BANP: variants seen among roughly 807,000 people sequenced by gnomAD.
BANP encodes BTG3 associated nuclear protein.
Under a neutral mutation model 68.1 loss-of-function variants are expected in BANP, and 11 were observed. The ratio of observed to expected loss-of-function variants is 0.16; its 90% confidence interval spans 0.10 to 0.27. The LOEUF (loss-of-function observed/expected upper bound fraction) is 0.27, where lower values mean the gene tolerates loss of function less well. BANP is among the 10% of genes least tolerant of loss of function. The pLI is 1.00. For synonymous variants in BANP, 329 were observed against 303.2 expected, an observed-to-expected ratio of 1.09 and a Z score of -0.88; for missense variants, 504 against 722.7, an observed-to-expected ratio of 0.70 and a Z score of 3.47.
At position 88,036,061 on chromosome 16, in the gene BANP, A is replaced by T. The variant is rs2152755068; in HGVS notation, c.1272+667A>T. Among the ~76,000 whole-genome samples, 1 of 152,350 alleles carries T rather than the reference A, an allele frequency of 6.6e-6. No homozygotes were observed. The highest frequency in any genetic ancestry group is 2.4e-5 in the African/African-American group (1 of 41,578). ...GCCTGTTGCGATGCTCCATGTTTGCATGCCAGAGCAGGACTGTCTCCCGGG... is the reference window on the plus strand; with the variant it reads ...GCCTGTTGCGATGCTCCATGTTTGCTTGCCAGAGCAGGACTGTCTCCCGGG... On this transcript the variant is annotated intron_variant, in intron 10 of 13. Transcript: ENST00000682872. The surrounding 1 kb of genome is among the most constrained non-coding windows in gnomAD (Gnocchi z 4.2).
chr16:87,959,072 A>C (rs2058633267), intron 1 of BANP, among the ~76,000 whole-genome samples: 1 of 151,936 alleles, frequency 6.6e-6, no homozygotes, highest in Non-Finnish European at 1.5e-5. Context: ...ATCTTTGTGG[A>C]GTTCACTGAT....
intron 7 of BANP, among the ~76,000 whole-genome samples, chr16:88,020,087 C>T (rs545162749): frequency 3.9e-5 from 6 of 152,332 alleles, no homozygotes; most frequent in African/African-American, 1.4e-4. Context: ...CGTGGGGCCT[C>T]CTCACAGCTT....
intron 11 of BANP, among the ~76,000 whole-genome samples, chr16:88,062,601 G>T (rs1356115189): frequency 1.3e-5 from 2 of 152,198 alleles, no homozygotes; most frequent in African/African-American, 4.8e-5. Context: ...AGATGACGAG[G>T]TGCTGCCCTT....
At chr16:88,009,557 A>G (rs2072382065) in intron 6 of BANP, among the ~76,000 whole-genome samples, 1 of 152,214 alleles carries the variant, frequency 6.6e-6, no homozygotes, top group Non-Finnish European at 1.5e-5. Context: ...TCCGTTTGTC[A>G]TTACACACGC....
In BANP at chr16:88,037,721, TG is replaced by T. The variant is rs1057458035; in HGVS notation, c.1273-248del. 1.3e-5 allele frequency: 7 copies of T among 521,250 alleles called. No individual in the cohort carries two copies. The African/African-American group carries it at 1.4e-4, about 10-fold the overall frequency. The allele number at this position is 521,250 out of a possible 1,614,324, so 32.3% of individuals were successfully genotyped here. ...ATGAAGTAAAAATGACATTTTCATTTGGGGTCAGGGTAGGGGAATGAGTACA... is the reference window on the plus strand; with the variant it reads ...ATGAAGTAAAAATGACATTTTCATTTGGGTCAGGGTAGGGGAATGAGTACA... On this transcript the variant is annotated intron_variant, in intron 10 of 13. Transcript: ENST00000682872.
At chr16:88,027,354 CG>C (rs1276695104) in intron 7 of BANP, 128 bp from the exon 8 acceptor site, 54 of 1,007,922 alleles carry the variant, frequency 5.4e-5, no homozygotes, top group African/African-American at 1.6e-4. Context: ...TGCAGGAAGA[CG>C]GGGCCGGCCT....
chr16:88,052,584 C>A (rs2083498631), intron 11 of BANP, among the ~76,000 whole-genome samples: 1 of 151,954 alleles, frequency 6.6e-6, no homozygotes, highest in Non-Finnish European at 1.5e-5. Context: ...CCACTGCCAA[C>A]ACAACCACCT....
intron 1 of BANP, among the ~76,000 whole-genome samples, chr16:87,965,139 T>G (rs531174003): frequency 1.3e-5 from 2 of 151,980 alleles, no homozygotes; most frequent in Non-Finnish European, 2.9e-5. Flanking sequence ...AGGAAGTGGA[T>G]GTGGGACCAG....
rs2085354297 is a variant in BANP at position 88,057,433 on chromosome 16, A to G, written c.1312-7834A>G. On this transcript the variant is annotated intron_variant, in intron 11 of 13. Coordinates refer to ENST00000682872, the MANE Select transcript of BANP (RefSeq NM_001386991.1). The surrounding 1 kb of genome is among the most constrained non-coding windows in gnomAD (Gnocchi z 4.6). ...AGAGGAAGGATGGTGGCTGAAGGTG[A>G]GCCTTCTCCAGGGGGATGCCCTGGA... 6.6e-6 allele frequency among the ~76,000 whole-genome samples: 1 copy of G among 151,994 alleles called. No individual in the cohort carries two copies. The highest frequency in any genetic ancestry group is 1.5e-5 in the Non-Finnish European group (1 of 68,000).
chr16:87,958,691 A>C (rs969084215), intron 1 of BANP, among the ~76,000 whole-genome samples: 1 of 152,218 alleles, frequency 6.6e-6, no homozygotes, highest in African/African-American at 2.4e-5. Flanking sequence ...CGGCAGAGTG[A>C]GACCCTGTCT....
chr16:88,003,951 C>A lies in BANP; in HGVS notation c.363-344C>A. The A allele has an allele frequency of 3.1e-6, 1 of 319,660 alleles. No homozygotes were observed. Among genetic ancestry groups the A allele is most frequent in the South Asian group, 2.8e-5 (1 of 36,076 alleles). 19.8% of individuals were successfully genotyped at this position (319,660 alleles called of 1,614,324 possible). A position where few individuals can be genotyped will look rare whatever the true frequency, so the allele number is the denominator to read the frequency against. On this transcript the variant is annotated intron_variant, in intron 4 of 13. Coordinates refer to ENST00000682872, the MANE Select transcript of BANP (RefSeq NM_001386991.1). The surrounding 1 kb of genome is among the most constrained non-coding windows in gnomAD (Gnocchi z 6.1). ...TGTGCCACCCTAGAAGCTTTATTAA[C>A]TGGGTGCGATAACAGCTGGTGCGGT... is the stretch of plus-strand genomic sequence containing the variant.
At chr16:87,950,252 A>C (rs1037726840), upstream of BANP, among the ~76,000 whole-genome samples, 3 of 152,098 alleles carry the variant, frequency 2.0e-5, no homozygotes, top group African/African-American at 7.2e-5. Context: ...TGCTCATTGC[A>C]AATAATTGAG....
intron 4 of BANP, among the ~76,000 whole-genome samples, chr16:87,986,326 C>T (rs1462611949): frequency 6.6e-6 from 1 of 152,196 alleles, no homozygotes; most frequent in Non-Finnish European, 1.5e-5. Context: ...TTGGGAAAAG[C>T]GTTGACAAAA....
intron 11 of BANP, among the ~76,000 whole-genome samples, chr16:88,061,172 T>C (rs1477187244): frequency 6.6e-6 from 1 of 152,218 alleles, no homozygotes; most frequent in East Asian, 1.9e-4. Flanking sequence ...CGCAGAGCAC[T>C]GTGGAGACTG....
In BANP at chr16:88,076,724, C is replaced by T; in HGVS notation, c.*63C>T. Reference sequence around the variant, plus strand: ...GCCTACGGCCCGGCCCCCACGCGCCCTGCTCTCACGGCCTCGGCACAGGCA... The same window carrying T: ...GCCTACGGCCCGGCCCCCACGCGCCTTGCTCTCACGGCCTCGGCACAGGCA... On this transcript the variant is annotated 3_prime_UTR_variant, in exon 14 of 14. Coordinates refer to ENST00000682872, the MANE Select transcript of BANP (RefSeq NM_001386991.1). 7.1e-7 allele frequency: 1 copy of T among 1,408,538 alleles called. No individual in the cohort carries two copies. The highest frequency in any genetic ancestry group is 2.4e-5 in the East Asian group (1 of 41,150). 87.3% of individuals were successfully genotyped at this position (1,408,538 alleles called of 1,614,324 possible).
rs1234270161 is a variant in BANP at position 88,064,789 on chromosome 16, G to A, written c.1312-478G>A. The stretch of plus-strand genomic sequence containing the variant: ...GCTCTTGCCCGCAGGGCACTCCTCT[G>A]GCTGGGATAGGAGACAGCCAGGACC... On this transcript the variant is annotated intron_variant, in intron 11 of 13. Coordinates refer to ENST00000682872, the MANE Select transcript of BANP (RefSeq NM_001386991.1). This position sits in a 1 kb window ranked among gnomAD's most constrained non-coding sequence, Gnocchi z 4.5. Among the ~76,000 whole-genome samples, 1 of 152,242 alleles carries A rather than the reference G, an allele frequency of 6.6e-6. No individual in the cohort carries two copies. The highest frequency in any genetic ancestry group is 1.5e-5 in the Non-Finnish European group (1 of 68,036).
At chr16:88,005,245 G>C (rs1361429620) in intron 5 of BANP, among the ~76,000 whole-genome samples, 1 of 152,204 alleles carries the variant, frequency 6.6e-6, no homozygotes, top group Non-Finnish European at 1.5e-5. Flanking sequence ...ACTGAGGTCA[G>C]CCAGGCAGAT....
intron 3 of BANP, among the ~76,000 whole-genome samples, chr16:87,982,114 T>C (rs565848080): frequency 6.6e-6 from 1 of 152,390 alleles, no homozygotes; most frequent in Non-Finnish European, 1.5e-5. Context: ...ATGGATAGGA[T>C]GTGGCTCTGT....
Position 87,974,670 on chromosome 16 carries a change from C to A in BANP, c.-68-378C>A, listed in dbSNP as rs1045507696. On this transcript the variant is annotated intron_variant, in intron 1 of 13. Coordinates refer to ENST00000682872, the MANE Select transcript of BANP (RefSeq NM_001386991.1). ...GTGGTGAGTGTAGCAGGGCTGAGGC[C>A]CCTTGGGAGCAGGAAGCGACAGAGC... is the stretch of plus-strand genomic sequence containing the variant. Among the ~76,000 whole-genome samples the A allele has an allele frequency of 3.9e-5, 6 of 152,096 alleles. No homozygotes were observed. The South Asian group carries it at 6.3e-4, about 16-fold the overall frequency.
Sources: allele counts gnomAD v4.1 joint callset (sites outside exome capture counted in the v4.1 genomes callset), GRCh38; gene constraint gnomAD v4.1.1; non-coding constraint Gnocchi (gnomAD v3.1); transcripts MANE v1.5; gene names NCBI Gene and HGNC (gene_info 2026-07-23, HGNC 2026-07-21).